The following ZZEF1 variants were observed in gnomAD, a reference collection of about 807,000 sequenced individuals.
ZZEF1 encodes the protein zinc finger ZZ-type and EF-hand domain-containing protein 1.
A neutral mutation model predicts 342.8 loss-of-function variants in ZZEF1; 157 were observed. The observed-to-expected ratio is 0.46, with a 90% CI of 0.40 to 0.52. The LOEUF (loss-of-function observed/expected upper bound fraction) is 0.52, where lower values mean the gene tolerates loss of function less well. ZZEF1 is among the 20% of genes least tolerant of loss of function. The probability of loss-of-function intolerance (pLI) is 0.00; values close to 1 mark genes in which losing one functional copy is unlikely to be tolerated. For synonymous variants in ZZEF1, 1,505 were observed against 1,429.1 expected (o/e 1.05, Z -1.20); for missense variants, 3,480 against 3,725.6 (o/e 0.93, Z 1.72).
At position 4,064,505 on chromosome 17, in the gene ZZEF1, C is replaced by T. The variant is rs1404184681; in HGVS notation, c.4574G>A (p.Arg1525Gln). ...EPLSPSTPTR[R>Q]PPFTRGRLRL... ...GAGTCGCCCTCGGGTGAAGGGAGGC[C>T]GGCGGGTGGGTGTGGAAGGTGACAA... Residue 1525 changes from arginine (R) to glutamine (Q), a missense_variant, in exon 29 of 55, where the codon CGG becomes CAG. Transcript: ENST00000381638. 17 of 1,614,102 alleles carry T rather than the reference C, an allele frequency of 1.1e-5. No individual in the cohort carries two copies. The highest frequency in any genetic ancestry group is 2.2e-5 in the South Asian group (2 of 91,084).
At position 4,009,681 on chromosome 17, in the gene ZZEF1, C is replaced by T. The variant is rs780486878; in HGVS notation, c.8656G>A (p.Val2886Met). The change falls in exon 53 of 55, where the codon GTG becomes ATG. Residue 2886 changes from valine (V) to methionine (M), a missense_variant. By Grantham distance (21) the Val-to-Met change is conservative. Transcript: ENST00000381638. ...GGAAGGAGGATGCCGGGCTGCGTCA[C>T]GTCCTCAAACAGGCCGTACTCCATG... ...THMEYGLFED[V>M]TQPGILLPLH... The T allele has an allele frequency of 2.0e-5, 32 of 1,613,986 alleles. No homozygotes were observed. The highest frequency in any genetic ancestry group is 2.6e-5 in the Non-Finnish European group (31 of 1,180,052).
intron 52 of ZZEF1, among the ~76,000 whole-genome samples, chr17:4,012,819 T>C (rs559681326): frequency 6.6e-5 from 10 of 152,166 alleles, no homozygotes; most frequent in African/African-American, 2.4e-4. Flanking sequence ...TAATTGTACA[T>C]CAGCAAAAAC....
chr17:4,055,158 T>C (rs973557838), intron 33 of ZZEF1, among the ~76,000 whole-genome samples: 2 of 152,204 alleles, frequency 1.3e-5, no homozygotes, highest in Non-Finnish European at 2.9e-5. Flanking sequence ...TGTTTCTCTT[T>C]AGGGCCTGGA....
chr17:4,137,328 C>T (rs536669772), intron 1 of ZZEF1, among the ~76,000 whole-genome samples: 7 of 152,300 alleles, frequency 4.6e-5, no homozygotes, highest in African/African-American at 1.4e-4. Flanking sequence ...AATCTCCACT[C>T]GGCCAGGTGC....
intron 1 of ZZEF1, among the ~76,000 whole-genome samples, chr17:4,139,649 T>C (rs1320059889): frequency 6.6e-6 from 1 of 152,224 alleles, no homozygotes; most frequent in Non-Finnish European, 1.5e-5. Context: ...CTTTGGCTAG[T>C]CCTAACTTAC....
rs754402886 is a variant in ZZEF1 at position 4,064,552 on chromosome 17, G to C, written c.4527C>G (p.Ser1509=). The change falls in exon 29 of 55, where the codon TCC becomes TCG. Residue 1509 remains serine (S), a synonymous_variant. Transcript: ENST00000381638. ...ACAAGGGCTCTTCAGCTGTGGCAGG[G>C]GACACGTCTGCAGCAGGAAGGCCAC... ...SSSGLPAADV[S]PATAEEPLSP... is the part of the protein sequence containing the mutation. 5 of 1,614,062 alleles carry C rather than the reference G, an allele frequency of 3.1e-6. No individual in the cohort carries two copies. In the South Asian group the frequency reaches 5.5e-5, roughly 18 times the overall value.
At chr17:4,116,745 C>T (rs898597538) in intron 3 of ZZEF1, among the ~76,000 whole-genome samples, 2 of 152,094 alleles carry the variant, frequency 1.3e-5, no homozygotes, top group African/African-American at 2.4e-5. Context: ...TTAGATAAAG[C>T]GGAAAGGCAT....
At chr17:4,009,551 G>A (rs1481758676) in intron 53 of ZZEF1, 53 bp downstream of exon 53, 1 of 1,607,864 alleles carries the variant, frequency 6.2e-7, no homozygotes, top group African/African-American at 1.3e-5. Flanking sequence ...GGTAGCAGAG[G>A]GAGCAAACGC....
intron 52 of ZZEF1, 89 bp from the exon 53 acceptor site, chr17:4,009,846 C>A: frequency 7.0e-7 from 1 of 1,430,932 alleles, no homozygotes. Context: ...CAGCTCAGAC[C>A]CTCCCTCTCC....
At chr17:4,069,094 G>A (rs1405169333) in intron 26 of ZZEF1, among the ~76,000 whole-genome samples, 1 of 152,214 alleles carries the variant, frequency 6.6e-6, no homozygotes, top group Non-Finnish European at 1.5e-5. Flanking sequence ...AGTTCCCACA[G>A]TTGACTGTGT....
rs772618146 is a variant in ZZEF1 at position 4,062,824 on chromosome 17, C to G, written c.4812G>C (p.Gln1604His). 2 of 1,613,466 alleles carry G rather than the reference C, an allele frequency of 1.2e-6. No homozygotes were observed. The highest frequency in any genetic ancestry group is 1.7e-6 in the Non-Finnish European group (2 of 1,179,736). Reference sequence around the variant, plus strand: ...TGAAAGGTGGATGGAAGCAGTGGGGCTGCCCAAGGGATTCTGCACAGTGCT... The same window carrying G: ...TGAAAGGTGGATGGAAGCAGTGGGGGTGCCCAAGGGATTCTGCACAGTGCT... ...ITQHCAESLGQPHCFHPPFIL... is the reference protein window; with the variant it reads ...ITQHCAESLGHPHCFHPPFIL... Residue 1604 changes from glutamine (Q) to histidine (H), a missense_variant, in exon 30 of 55, where the codon CAG (glutamine) becomes CAC (histidine). By Grantham distance (24) the Gln-to-His change is conservative (BLOSUM62 0). Transcript: ENST00000381638.
At chr17:4,111,142 G>C (rs1330134610) in intron 5 of ZZEF1, among the ~76,000 whole-genome samples, 2 of 152,150 alleles carry the variant, frequency 1.3e-5, no homozygotes, top group Non-Finnish European at 2.9e-5. Context: ...TATGTGAACA[G>C]ATACATACAG....
rs896233331 is a variant in ZZEF1 at position 4,070,559 on chromosome 17, A to T, written c.4075+125T>A. On this transcript the variant is annotated intron_variant, in intron 26 of 54. Transcript: ENST00000381638. ...TAATAGGCAAAGTAGAACCAACAAGATGATGTTTACAGTTATAGAAATGTG... is the reference window on the plus strand; with the variant it reads ...TAATAGGCAAAGTAGAACCAACAAGTTGATGTTTACAGTTATAGAAATGTG... The T allele has an allele frequency of 4.3e-6, 5 of 1,171,022 alleles. No individual in the cohort carries two copies. The African/African-American group carries it at 7.8e-5, about 18-fold the overall frequency. 72.5% of individuals were successfully genotyped at this position (1,171,022 alleles called of 1,614,324 possible).
chr17:4,044,404 G>A (rs201100614), intron 37 of ZZEF1, 30 bp from the exon 38 acceptor site: 1 of 1,582,982 alleles, frequency 6.3e-7, no homozygotes, highest in African/African-American at 1.4e-5. Flanking sequence ...AAAGAATTAA[G>A]GTTTCTTATA....
Position 4,017,751 on chromosome 17 carries a change from T to A in ZZEF1, c.7642-21A>T, listed in dbSNP as rs773722327. Reference sequence around the variant, plus strand: ...CGGGACTGCAAACCCAAGACCACCATTACAGAGGTCTAGCCTTCTTACAGT... The same window carrying A: ...CGGGACTGCAAACCCAAGACCACCAATACAGAGGTCTAGCCTTCTTACAGT... On this transcript the variant is annotated intron_variant, in intron 47 of 54. Transcript: ENST00000381638. This position sits in a 1 kb window ranked among gnomAD's most constrained non-coding sequence, Gnocchi z 5.1. 1.2e-6 allele frequency: 2 copies of A among 1,612,272 alleles called. No homozygotes were observed. Among genetic ancestry groups the A allele is most frequent in the East Asian group, 2.2e-5 (1 of 44,856 alleles).
intron 42 of ZZEF1, among the ~76,000 whole-genome samples, chr17:4,030,693 T>C (rs1245798183): frequency 6.6e-6 from 1 of 152,186 alleles, no homozygotes; most frequent in African/African-American, 2.4e-5. Context: ...TGGGGGTCTC[T>C]ACAAAGTGCT....
At chr17:4,056,143 A>AC (rs923831777) in intron 33 of ZZEF1, 73 bp downstream of exon 33, 43 of 1,398,464 alleles carry the variant, frequency 3.1e-5, no homozygotes, top group African/African-American at 1.5e-4. Context: ...GCCTGCCAGA[A>AC]CCCCCCCAGG....
chr17:4,082,654 C>T (rs1434515116), intron 16 of ZZEF1, 150 bp from the exon 17 acceptor site: 9 of 684,214 alleles, frequency 1.3e-5, no homozygotes, highest in Middle Eastern at 2.4e-4. Context: ...CACTAAAACC[C>T]GCTCAAGTAC....
At chr17:4,089,101 G>A (rs902198476) in intron 12 of ZZEF1, among the ~76,000 whole-genome samples, 5 of 152,170 alleles carry the variant, frequency 3.3e-5, no homozygotes, top group African/African-American at 1.2e-4. Flanking sequence ...ATAAAGTCAG[G>A]TTTGGGTAGA....
Sources: allele counts gnomAD v4.1 joint callset (sites outside exome capture counted in the v4.1 genomes callset), GRCh38; gene constraint gnomAD v4.1.1; non-coding constraint Gnocchi (gnomAD v3.1); transcripts MANE v1.5; gene names NCBI Gene and HGNC (gene_info 2026-07-23, HGNC 2026-07-21).